Variants in ZSWIM6 observed in about 807,000 individuals in gnomAD.
The protein encoded by ZSWIM6 is zinc finger SWIM domain-containing protein 6.
In ZSWIM6, 9 loss-of-function variants were observed where a neutral mutation model predicts 113.2. The observed-to-expected ratio is 0.08, with a 90% CI of 0.05 to 0.14. ZSWIM6 has a LOEUF of 0.14. ZSWIM6 is among the 10% of genes least tolerant of loss of function. The pLI, the probability that ZSWIM6 is intolerant of heterozygous loss-of-function variation, is 1.00. For missense variants in ZSWIM6, 1,162 were observed against 1,552.2 expected (o/e 0.75, Z 4.22); for synonymous variants, 611 against 606.5 (o/e 1.01, Z -0.11).
At chr5:61,463,363 C>T (rs1341712751) in intron 1 of ZSWIM6, among the ~76,000 whole-genome samples, 2 of 152,158 alleles carry the variant, frequency 1.3e-5, no homozygotes, top group Non-Finnish European at 2.9e-5. Context: ...GTTCCATTTA[C>T]TATGTTTGCT....
At chr5:61,515,216 C>T (rs1228856088) in intron 4 of ZSWIM6, among the ~76,000 whole-genome samples, 3 of 152,164 alleles carry the variant, frequency 2.0e-5, no homozygotes, top group East Asian at 3.9e-4. Context: ...GCAACCTCCA[C>T]CTCCCTGGTT....
In ZSWIM6 at chr5:61,450,641, A is replaced by G. The variant is rs191087032; in HGVS notation, c.677-22040A>G. 2.0e-4 allele frequency among the ~76,000 whole-genome samples: 30 copies of G among 152,260 alleles called. No individual in the cohort carries two copies. In the East Asian group the frequency reaches 5.0e-3, roughly 25 times the overall value. On this transcript the variant is annotated intron_variant, in intron 1 of 13. Transcript: ENST00000252744. The stretch of plus-strand genomic sequence containing the variant: ...TGAATTTATGATTATACTTCACTGT[A>G]CTATGAATGCTTGATCTACATAATC...
At chr5:61,457,362 A>G (rs961584319) in intron 1 of ZSWIM6, among the ~76,000 whole-genome samples, 13 of 152,108 alleles carry the variant, frequency 8.5e-5, no homozygotes, top group African/African-American at 2.9e-4. Context: ...AACTAGCCAT[A>G]TATTTCAGTT....
intron 5 of ZSWIM6, among the ~76,000 whole-genome samples, chr5:61,522,095 T>TG (rs1461760704): frequency 3.7e-4 from 56 of 151,452 alleles, no homozygotes; most frequent in African/African-American, 1.4e-3. Context: ...TTTTGTTTGT[T>TG]TTTTTTTGTT....
chr5:61,532,435 T>A (rs1749463035), intron 9 of ZSWIM6, among the ~76,000 whole-genome samples: 1 of 152,176 alleles, frequency 6.6e-6, no homozygotes, highest in Admixed American at 6.5e-5. Flanking sequence ...CAAATTTAGG[T>A]GGTGTGTAAC....
intron 1 of ZSWIM6, among the ~76,000 whole-genome samples, chr5:61,365,711 A>G (rs1488998833): frequency 1.3e-5 from 2 of 152,188 alleles, no homozygotes; most frequent in Non-Finnish European, 2.9e-5. Flanking sequence ...TAATGGGCTC[A>G]TCACTGAAAG....
chr5:61,433,046 T>C (rs1746619645), intron 1 of ZSWIM6, among the ~76,000 whole-genome samples: 1 of 152,224 alleles, frequency 6.6e-6, no homozygotes, highest in South Asian at 2.1e-4. Flanking sequence ...TGTATTCATT[T>C]TTGTCTAAGC....
chr5:61,336,421 G>C (rs1349989682), intron 1 of ZSWIM6, among the ~76,000 whole-genome samples: 1 of 152,128 alleles, frequency 6.6e-6, no homozygotes, highest in Non-Finnish European at 1.5e-5. Context: ...TCCCTGGTAT[G>C]ACCTGAAACT....
At chr5:61,467,987 A>G (rs1056227328) in intron 1 of ZSWIM6, among the ~76,000 whole-genome samples, 3 of 152,088 alleles carry the variant, frequency 2.0e-5, no homozygotes, top group African/African-American at 2.4e-5. Flanking sequence ...ATGTGTCCAC[A>G]CCCCTCCCCT....
chr5:61,402,891 G>C (rs565663536), intron 1 of ZSWIM6, among the ~76,000 whole-genome samples: 1 of 152,114 alleles, frequency 6.6e-6, no homozygotes, highest in Non-Finnish European at 1.5e-5. Flanking sequence ...ACTCATTTTT[G>C]TATGTAATTT....
chr5:61,373,910 GTA>G (rs1190790387), intron 1 of ZSWIM6, among the ~76,000 whole-genome samples: 1 of 152,112 alleles, frequency 6.6e-6, no homozygotes, highest in African/African-American at 2.4e-5. Flanking sequence ...TCATTTTAAT[GTA>G]TATTCATAAT....
intron 13 of ZSWIM6, among the ~76,000 whole-genome samples, chr5:61,542,773 T>C (rs1377759717): frequency 6.6e-6 from 1 of 152,190 alleles, no homozygotes; most frequent in East Asian, 1.9e-4. Flanking sequence ...AATACTAATT[T>C]AAGAACTGCC....
chr5:61,453,677 C>CTT (rs1344821814), intron 1 of ZSWIM6, among the ~76,000 whole-genome samples: 1 of 151,458 alleles, frequency 6.6e-6, no homozygotes, highest in Non-Finnish European at 1.5e-5. Flanking sequence ...CACCCAGCCA[C>CTT]TTTTACTCTC....
At chr5:61,356,433 G>C (rs1421791634) in intron 1 of ZSWIM6, among the ~76,000 whole-genome samples, 2 of 151,504 alleles carry the variant, frequency 1.3e-5, no homozygotes, top group Non-Finnish European at 2.9e-5. Flanking sequence ...AAGTTCAGTG[G>C]GTTGGTTATG....
intron 1 of ZSWIM6, among the ~76,000 whole-genome samples, chr5:61,363,625 G>A (rs960583009): frequency 2.0e-5 from 3 of 152,136 alleles, no homozygotes; most frequent in Non-Finnish European, 4.4e-5. Context: ...GGCTTGGGGG[G>A]TGGGGAGAGA....
intron 1 of ZSWIM6, chr5:61,391,930 A>AG (rs1745725915): frequency 1.8e-6 from 1 of 549,006 alleles, no homozygotes; most frequent in Admixed American, 3.4e-5. Context: ...TTTTTGAGCC[A>AG]GGGATCCTCT....
chr5:61,342,174 C>T (rs369379646), intron 1 of ZSWIM6, among the ~76,000 whole-genome samples: 7 of 152,282 alleles, frequency 4.6e-5, no homozygotes, highest in East Asian at 1.9e-4. Context: ...TCACCACACC[C>T]GGCCTTTAAA....
At chr5:61,541,083 A>G (rs1403273369) in intron 12 of ZSWIM6, among the ~76,000 whole-genome samples, 7 of 152,012 alleles carry the variant, frequency 4.6e-5, no homozygotes, top group Non-Finnish European at 7.4e-5. Context: ...AGCTGGGACT[A>G]CAGGCGCACG....
intron 1 of ZSWIM6, among the ~76,000 whole-genome samples, chr5:61,464,401 C>G (rs993964504): frequency 1.3e-5 from 2 of 151,834 alleles, no homozygotes; most frequent in African/African-American, 4.8e-5. Flanking sequence ...TTGTAGAAAC[C>G]TTATGTTCCC....
Sources: allele counts gnomAD v4.1 joint callset (sites outside exome capture counted in the v4.1 genomes callset), GRCh38; gene constraint gnomAD v4.1.1; transcripts MANE v1.5; gene names NCBI Gene and HGNC (gene_info 2026-07-23, HGNC 2026-07-21).